RAI14: variants seen among roughly 807,000 people sequenced by gnomAD.
The protein encoded by RAI14 is retinoic acid induced 14, also known as ankycorbin.
A neutral mutation model predicts 115.4 loss-of-function variants in RAI14; 45 were observed. The observed-to-expected ratio is 0.39, with a 90% CI of 0.31 to 0.50. The LOEUF (loss-of-function observed/expected upper bound fraction) is 0.50, where lower values mean the gene tolerates loss of function less well. RAI14 is among the 20% of genes least tolerant of loss of function. The pLI is 0.85. For synonymous variants in RAI14, 371 were observed against 415.4 expected (o/e 0.89, Z 1.30); for missense variants, 939 against 1,131.2 (o/e 0.83, Z 2.44).
chr5:34,800,882 A>G (rs462492), intron 4 of RAI14, among the ~76,000 whole-genome samples: 137,943 of 152,192 alleles, frequency 0.91, 63,324 homozygotes, highest in Non-Finnish European at 0.99. Context: ...TGCATTGCGT[A>G]CACGACATAA....
chr5:34,740,840 A>G (rs931989332), intron 2 of RAI14, among the ~76,000 whole-genome samples: 1 of 152,148 alleles, frequency 6.6e-6, no homozygotes, highest in South Asian at 2.1e-4. Context: ...TGGGCTTGCT[A>G]TTATTGGAGT....
At chr5:34,816,906 A>G (rs575978013) in intron 12 of RAI14, among the ~76,000 whole-genome samples, 58 of 152,174 alleles carry the variant, frequency 3.8e-4, no homozygotes, top group African/African-American at 1.3e-3. Context: ...GTCATTTCTG[A>G]AAAAACAACA....
At chr5:34,813,347 T>G (rs1755824264) in intron 10 of RAI14, among the ~76,000 whole-genome samples, 1 of 152,202 alleles carries the variant, frequency 6.6e-6, no homozygotes, top group Non-Finnish European at 1.5e-5. Flanking sequence ...CTAATCTGGT[T>G]TTGTCTCATG....
intron 3 of RAI14, among the ~76,000 whole-genome samples, chr5:34,771,174 G>T (rs142293938): frequency 1.8e-3 from 274 of 152,334 alleles, no homozygotes; most frequent in African/African-American, 6.3e-3. Flanking sequence ...CTGAGCATCA[G>T]TGCTTCCATC....
chr5:34,815,589 T>C (rs1049419893), intron 12 of RAI14, among the ~76,000 whole-genome samples: 1 of 152,076 alleles, frequency 6.6e-6, no homozygotes, highest in Non-Finnish European at 1.5e-5. Context: ...AGTTTACTTA[T>C]ATGGAATCTA....
intron 1 of RAI14, among the ~76,000 whole-genome samples, chr5:34,660,960 A>T (rs1318641001): frequency 6.6e-6 from 1 of 152,056 alleles, no homozygotes; most frequent in Non-Finnish European, 1.5e-5. Context: ...TTCAGGTGTT[A>T]TGTTGAGACA....
At chr5:34,806,357 G>C (rs1182877267) in intron 5 of RAI14, among the ~76,000 whole-genome samples, 1 of 152,154 alleles carries the variant, frequency 6.6e-6, no homozygotes, top group African/African-American at 2.4e-5. Context: ...GGAAGTGTGA[G>C]GGGCTTTTAA....
chr5:34,705,088 C>T (rs182923707), intron 2 of RAI14, among the ~76,000 whole-genome samples: 65 of 152,290 alleles, frequency 4.3e-4, no homozygotes, highest in African/African-American at 1.5e-3. Flanking sequence ...GCCACCATGC[C>T]TGGCTAATTT....
At chr5:34,687,984 GGAT>G (rs1207274884) in intron 2 of RAI14, 28 of 1,176,406 alleles carry the variant, frequency 2.4e-5, no homozygotes, top group Non-Finnish European at 3.3e-5. Context: ...GATGCTTATG[GGAT>G]GATGGTAAAA....
intron 2 of RAI14, among the ~76,000 whole-genome samples, chr5:34,706,215 T>C (rs1478481463): frequency 6.6e-6 from 1 of 152,244 alleles, no homozygotes; most frequent in Non-Finnish European, 1.5e-5. Flanking sequence ...TTTCTTATTT[T>C]CGTAATGCCT....
At chr5:34,710,890 TTCTTAGTAAAAGAA>T (rs1212546681) in intron 2 of RAI14, among the ~76,000 whole-genome samples, 15 of 152,232 alleles carry the variant, frequency 9.9e-5, no homozygotes, top group African/African-American at 3.6e-4. Flanking sequence ...TTCCTCTCCT[TTCTTAGTAAAAGAA>T]CCTTATCTTT....
At chr5:34,657,925 A>G (rs1422118484) in intron 1 of RAI14, among the ~76,000 whole-genome samples, 1 of 152,184 alleles carries the variant, frequency 6.6e-6, no homozygotes. Flanking sequence ...ATAATCTGAT[A>G]ATCTTTTCTT....
intron 13 of RAI14, 80 bp from the exon 14 acceptor site, chr5:34,821,652 G>T (rs1756843208): frequency 1.5e-5 from 13 of 866,928 alleles, no homozygotes; most frequent in Admixed American, 1.3e-4. Context: ...ACTGGATTAG[G>T]CTAGGAAGTG....
At chr5:34,736,076 G>C (rs540349239) in intron 2 of RAI14, among the ~76,000 whole-genome samples, 2 of 152,314 alleles carry the variant, frequency 1.3e-5, no homozygotes, top group South Asian at 4.1e-4. Flanking sequence ...CTTTTGGTAG[G>C]GGGCAGGGCT....
At chr5:34,729,278 A>G (rs1187529389) in intron 2 of RAI14, among the ~76,000 whole-genome samples, 1 of 151,348 alleles carries the variant, frequency 6.6e-6, no homozygotes. Context: ...GAGCCCGGGA[A>G]GTTGAGGCTG....
At chr5:34,726,319 C>G (rs1488138774) in intron 2 of RAI14, among the ~76,000 whole-genome samples, 1 of 152,082 alleles carries the variant, frequency 6.6e-6, no homozygotes, top group Non-Finnish European at 1.5e-5. Flanking sequence ...TGGAGGCATG[C>G]CTGGGGAGGC....
intron 2 of RAI14, among the ~76,000 whole-genome samples, chr5:34,755,923 A>T (rs1747815574): frequency 6.6e-6 from 1 of 152,196 alleles, no homozygotes; most frequent in African/African-American, 2.4e-5. Context: ...GTCACACAAC[A>T]TGTAAGTGTC....
chr5:34,795,176 T>A (rs1753359279), intron 3 of RAI14, among the ~76,000 whole-genome samples: 1 of 152,228 alleles, frequency 6.6e-6, no homozygotes, highest in Non-Finnish European at 1.5e-5. Context: ...GGCATTTGGA[T>A]GTTATCCCTT....
intron 2 of RAI14, among the ~76,000 whole-genome samples, chr5:34,692,660 AC>A (rs1366994574): frequency 1.3e-5 from 2 of 151,526 alleles, no homozygotes; most frequent in Middle Eastern, 3.2e-3. Context: ...CAATGACCCC[AC>A]TGGGTGGAGG....
Sources: allele counts gnomAD v4.1 joint callset (sites outside exome capture counted in the v4.1 genomes callset), GRCh38; gene constraint gnomAD v4.1.1; transcripts MANE v1.5; gene names NCBI Gene and HGNC (gene_info 2026-07-23, HGNC 2026-07-21).